The following ADRA1D variants were observed in gnomAD, a reference collection of about 807,000 sequenced individuals.
ADRA1D encodes alpha-1D adrenergic receptor.
In ADRA1D, 22 loss-of-function variants were observed where a neutral mutation model predicts 18.6. The observed-to-expected ratio is 1.19, with a 90% CI of 0.85 to 1.69. The LOEUF (loss-of-function observed/expected upper bound fraction) is 1.69, where lower values mean the gene tolerates loss of function less well. ADRA1D is among the 40% of genes most tolerant of loss of function. The probability of loss-of-function intolerance (pLI) is 0.00; values close to 1 mark genes in which losing one functional copy is unlikely to be tolerated. For missense variants in ADRA1D, 840 were observed against 840.7 expected, an observed-to-expected ratio of 1.00 and a Z score of 0.01; for synonymous variants, 376 against 388.2, an observed-to-expected ratio of 0.97 and a Z score of 0.37.
At chr20:4,235,899 A>G (rs1981078475) in intron 1 of ADRA1D, among the ~76,000 whole-genome samples, 2 of 152,104 alleles carry the variant, frequency 1.3e-5, no homozygotes, top group Admixed American at 1.3e-4. Context: ...GGACTCAGAG[A>G]CTTCCTCAGG....
chr20:4,236,244 T>G lies in ADRA1D; in HGVS notation c.1111+11603A>C, dbSNP rs540271885. Among the ~76,000 whole-genome samples the G allele has an allele frequency of 6.6e-5, 10 of 152,322 alleles. No individual in the cohort carries two copies. The South Asian group carries it at 2.1e-3, about 32-fold the overall frequency. ...TACTCAACCTCTCTGGTGCCTCAGT[T>G]TTCTCCTCTGTAAATGGGGCTGCTA... is the stretch of plus-strand genomic sequence containing the variant. On this transcript the variant is annotated intron_variant, in intron 1 of 1. Transcript: ENST00000379453.
rs1980703178 is a variant in ADRA1D, at chr20:4,222,752, T to C, written c.1112-622A>G. On this transcript the variant is annotated intron_variant, in intron 1 of 1. Transcript: ENST00000379453. The surrounding 1 kb of genome is among the most constrained non-coding windows in gnomAD (Gnocchi z 4.3). ...AAAACTCAATATAATTCTGCTTTAA[T>C]AGAATTGCTGAGCAAGTTCAATAAA... Among the ~76,000 whole-genome samples the C allele has an allele frequency of 6.6e-6, 1 of 152,182 alleles. No homozygotes were observed. The highest frequency in any genetic ancestry group is 1.5e-5 in the Non-Finnish European group (1 of 68,032).
chr20:4,228,086 A>T lies in ADRA1D; in HGVS notation c.1112-5956T>A, dbSNP rs372202633. On this transcript the variant is annotated intron_variant, in intron 1 of 1. Coordinates refer to ENST00000379453, the MANE Select transcript of ADRA1D (RefSeq NM_000678.4). Reference sequence around the variant, plus strand: ...TTCCTGTCTTTTCTCTCTCTTCCTTATCTGTACTTTGACCTCCTGCCAGCT... The same window carrying T: ...TTCCTGTCTTTTCTCTCTCTTCCTTTTCTGTACTTTGACCTCCTGCCAGCT... Among the ~76,000 whole-genome samples, 4 of 152,098 alleles carry T rather than the reference A, an allele frequency of 2.6e-5. No individual in the cohort carries two copies. The East Asian group carries it at 5.8e-4, about 22-fold the overall frequency.
intron 1 of ADRA1D, 129 bp downstream of exon 1, chr20:4,247,718 T>C (rs2122681203): frequency 9.1e-7 from 1 of 1,100,684 alleles, no homozygotes; most frequent in Non-Finnish European, 1.2e-6. Flanking sequence ...ACCTGCCTCT[T>C]AGGAGACTCA....
At chr20:4,242,974 G>A (rs1981252503) in intron 1 of ADRA1D, among the ~76,000 whole-genome samples, 1 of 152,040 alleles carries the variant, frequency 6.6e-6, no homozygotes, top group South Asian at 2.1e-4. Context: ...AGATGCTGCC[G>A]CCATGAAAAC....
chr20:4,230,473 G>A (rs2122661552), intron 1 of ADRA1D, among the ~76,000 whole-genome samples: 1 of 152,336 alleles, frequency 6.6e-6, no homozygotes, highest in African/African-American at 2.4e-5. Context: ...ACTTCACTGT[G>A]TTTGTTAAGC....
intron 1 of ADRA1D, among the ~76,000 whole-genome samples, chr20:4,224,818 C>T (rs1436353300): frequency 6.6e-6 from 1 of 151,902 alleles, no homozygotes; most frequent in Non-Finnish European, 1.5e-5. Context: ...CACCATTCCC[C>T]TCTCTTTGAC....
In ADRA1D at chr20:4,248,845, G is replaced by A; in HGVS notation, c.113C>T (p.Ser38Leu). 9.9e-7 allele frequency: 1 copy of A among 1,007,058 alleles called. No homozygotes were observed. The highest frequency in any genetic ancestry group is 1.2e-6 in the Non-Finnish European group (1 of 842,464). 62.4% of individuals were successfully genotyped at this position (1,007,058 alleles called of 1,614,324 possible). ...GGGSAGGAAPSEGPAVGGVPG... is the reference protein window; with the variant it reads ...GGGSAGGAAPLEGPAVGGVPG... Reference sequence around the variant, plus strand: ...CACGCCGCCCACCGCCGGGCCCTCCGAGGGGGCCGCGCCGCCCGCGCTGCC... The same window carrying A: ...CACGCCGCCCACCGCCGGGCCCTCCAAGGGGGCCGCGCCGCCCGCGCTGCC... Residue 38 changes from serine to leucine, a missense_variant, in exon 1 of 2, where the codon TCG becomes TTG. Coordinates refer to ENST00000379453, the MANE Select transcript of ADRA1D (RefSeq NM_000678.4).
At position 4,248,892 on chromosome 20, in the gene ADRA1D, G is replaced by C; in HGVS notation, c.66C>G (p.Gly22=). Residue 22 remains glycine, a synonymous_variant, in exon 1 of 2, where the codon GGC becomes GGG. Coordinates refer to ENST00000379453, the MANE Select transcript of ADRA1D (RefSeq NM_000678.4). ...EGPRPDSSAG[G]SSAGGGGGSA... The stretch of plus-strand genomic sequence containing the variant: ...TGCCCCCGCCGCCGCCCGCGCTGGA[G>C]CCCCCTGCGCTGCTGTCCGGGCGGG... 2 of 1,199,160 alleles carry C rather than the reference G, an allele frequency of 1.7e-6. No individual in the cohort carries two copies. The highest frequency in any genetic ancestry group is 2.5e-5 in the South Asian group (1 of 40,222). 74.3% of individuals were successfully genotyped at this position (1,199,160 alleles called of 1,614,324 possible). A position where few individuals can be genotyped will look rare whatever the true frequency, so the allele number is the denominator to read the frequency against.
chr20:4,247,246 T>G (rs769301711), intron 1 of ADRA1D, among the ~76,000 whole-genome samples: 3 of 152,212 alleles, frequency 2.0e-5, no homozygotes, highest in Non-Finnish European at 4.4e-5. Flanking sequence ...TTTATCCCCA[T>G]CCCTGTGCTT....
At chr20:4,236,543 G>A (rs1443318147) in intron 1 of ADRA1D, among the ~76,000 whole-genome samples, 3 of 152,132 alleles carry the variant, frequency 2.0e-5, no homozygotes, top group South Asian at 4.1e-4. Flanking sequence ...TGGCAGGCTC[G>A]AGGGCAGAAG....
chr20:4,231,600 C>A (rs1477125973), intron 1 of ADRA1D, among the ~76,000 whole-genome samples: 1 of 152,184 alleles, frequency 6.6e-6, no homozygotes, highest in Non-Finnish European at 1.5e-5. Context: ...GGAGCTGACG[C>A]TTTCCGAGTG....
intron 1 of ADRA1D, among the ~76,000 whole-genome samples, chr20:4,226,225 T>A (rs1239674259): frequency 6.6e-6 from 1 of 152,232 alleles, no homozygotes; most frequent in Admixed American, 6.5e-5. Context: ...CAACCTGAAG[T>A]CTGCTGTGAG....
At chr20:4,241,979 G>A (rs979567196) in intron 1 of ADRA1D, among the ~76,000 whole-genome samples, 1 of 152,178 alleles carries the variant, frequency 6.6e-6, no homozygotes, top group African/African-American at 2.4e-5. Context: ...GCATATGCAT[G>A]CACCAATGTC....
intron 1 of ADRA1D, among the ~76,000 whole-genome samples, chr20:4,232,243 C>T (rs906093026): frequency 1.3e-5 from 2 of 152,198 alleles, no homozygotes; most frequent in Non-Finnish European, 2.9e-5. Flanking sequence ...GCTGGTCTGG[C>T]GAGGAGGCTA....
chr20:4,228,515 A>C (rs1042233754), intron 1 of ADRA1D, among the ~76,000 whole-genome samples: 3 of 152,228 alleles, frequency 2.0e-5, no homozygotes, highest in African/African-American at 7.2e-5. Flanking sequence ...GGCACCTACT[A>C]CGTGCCAAGC....
chr20:4,221,297 GAA>G lies in ADRA1D; in HGVS notation c.*224_*225del, dbSNP rs1280163747. On this transcript the variant is annotated 3_prime_UTR_variant, in exon 2 of 2. Transcript: ENST00000379453. ...GGAGCCCGCAGCCTCTCCCTTCTAAGAAAAGAGTTCTGGGCACCTGAGTCCAG... is the reference window on the plus strand; with the variant it reads ...GGAGCCCGCAGCCTCTCCCTTCTAAGAAGAGTTCTGGGCACCTGAGTCCAG... The G allele has an allele frequency of 4.3e-6, 2 of 466,740 alleles. No individual in the cohort carries two copies. The highest frequency in any genetic ancestry group is 7.4e-6 in the Non-Finnish European group (2 of 269,170). The allele number at this position is 466,740 out of a possible 1,614,324, so 28.9% of individuals were successfully genotyped here.
At position 4,249,065 on chromosome 20, in the gene ADRA1D, G is replaced by C. The variant is rs1242890533; in HGVS notation, c.-108C>G. 3.4e-6 allele frequency: 3 copies of C among 880,866 alleles called. No homozygotes were observed. Among genetic ancestry groups the C allele is most frequent in the East Asian group, 8.0e-5 (1 of 12,538 alleles). 54.6% of individuals were successfully genotyped at this position (880,866 alleles called of 1,614,324 possible). A position where few individuals can be genotyped will look rare whatever the true frequency, so the allele number is the denominator to read the frequency against. On this transcript the variant is annotated 5_prime_UTR_variant, in exon 1 of 2. Transcript: ENST00000379453. ...GCTCCAGATGCAGCTCCGCGCACGG[G>C]TCCCGTCGGGGTCCTGCCCAAGTTC...
intron 1 of ADRA1D, among the ~76,000 whole-genome samples, chr20:4,229,393 C>T (rs894241517): frequency 7.0e-6 from 1 of 141,858 alleles, no homozygotes; most frequent in Non-Finnish European, 1.5e-5. Context: ...TAAAGGTATA[C>T]TAAGGAGAAA....
Sources: allele counts gnomAD v4.1 joint callset (sites outside exome capture counted in the v4.1 genomes callset), GRCh38; gene constraint gnomAD v4.1.1; non-coding constraint Gnocchi (gnomAD v3.1); transcripts MANE v1.5; gene names NCBI Gene and HGNC (gene_info 2026-07-23, HGNC 2026-07-21).